The following CACNA2D1 variants were observed in gnomAD, a reference collection of about 807,000 sequenced individuals.
CACNA2D1 encodes the protein voltage-dependent calcium channel subunit alpha-2/delta-1.
In CACNA2D1, 53 loss-of-function variants were observed where a neutral mutation model predicts 171.5. The ratio of observed to expected loss-of-function variants is 0.31; its 90% CI spans 0.25 to 0.39. CACNA2D1 has a LOEUF of 0.39. Ranked by LOEUF, CACNA2D1 falls within the 10% of genes least tolerant of loss-of-function variation. The pLI is 1.00. For synonymous variants in CACNA2D1, 442 were observed against 443.1 expected (o/e 1.00, Z 0.03); for missense variants, 903 against 1,299.8 (o/e 0.69, Z 4.69).
chr7:81,974,793 G>A (rs1359508273), intron 24 of CACNA2D1, among the ~76,000 whole-genome samples: 1 of 151,870 alleles, frequency 6.6e-6, no homozygotes, highest in Admixed American at 6.6e-5. Flanking sequence ...ATAAGTTTTG[G>A]TGTAGTTATA....
chr7:82,081,948 GCATGT>G (rs1226988826), intron 7 of CACNA2D1, among the ~76,000 whole-genome samples: 1 of 152,198 alleles, frequency 6.6e-6, no homozygotes, highest in Non-Finnish European at 1.5e-5. Context: ...GTTAGACCAG[GCATGT>G]CATAAGTGAC....
At chr7:81,957,889 A>T (rs1231102982) in intron 38 of CACNA2D1, among the ~76,000 whole-genome samples, 1 of 152,116 alleles carries the variant, frequency 6.6e-6, no homozygotes, top group Non-Finnish European at 1.5e-5. Context: ...ATAGGCTTTT[A>T]AGTCACTTTT....
At chr7:82,344,832 A>G (rs1312087401) in intron 2 of CACNA2D1, among the ~76,000 whole-genome samples, 1 of 152,212 alleles carries the variant, frequency 6.6e-6, no homozygotes, top group Admixed American at 6.5e-5. Context: ...TCTGAATAAA[A>G]GCAAAACATA....
intron 10 of CACNA2D1, among the ~76,000 whole-genome samples, chr7:82,048,266 C>A (rs10265625): frequency 1.3e-5 from 2 of 151,962 alleles, no homozygotes; most frequent in African/African-American, 4.8e-5. Context: ...AAATTAATGA[C>A]AAAAAGATAG....
intron 7 of CACNA2D1, among the ~76,000 whole-genome samples, chr7:82,069,685 A>G (rs1375210060): frequency 2.1e-5 from 3 of 146,198 alleles, no homozygotes; most frequent in Non-Finnish European, 4.5e-5. Flanking sequence ...TCTGGTTAAC[A>G]TGGTCTAAAA....
intron 12 of CACNA2D1, among the ~76,000 whole-genome samples, chr7:82,015,413 CT>C (rs1800327506): frequency 6.6e-6 from 1 of 151,978 alleles, no homozygotes; most frequent in African/African-American, 2.4e-5. Context: ...TTGACTGTTC[CT>C]AACATGCTAT....
At chr7:82,288,067 C>T (rs900613125) in intron 3 of CACNA2D1, among the ~76,000 whole-genome samples, 4 of 151,130 alleles carry the variant, frequency 2.6e-5, no homozygotes, top group African/African-American at 9.8e-5. Flanking sequence ...GACTCGATCT[C>T]CTGACCTCGT....
chr7:82,439,447 T>C (rs1164162072), intron 1 of CACNA2D1, among the ~76,000 whole-genome samples: 1 of 151,884 alleles, frequency 6.6e-6, no homozygotes, highest in Non-Finnish European at 1.5e-5. Flanking sequence ...CTCTTATCTA[T>C]TGTCAAAATG....
intron 12 of CACNA2D1, among the ~76,000 whole-genome samples, chr7:82,023,562 T>C (rs1386073074): frequency 6.7e-6 from 1 of 148,382 alleles, no homozygotes; most frequent in Non-Finnish European, 1.5e-5. Context: ...ACAAGAGGCT[T>C]GGGGGAAAAC....
intron 3 of CACNA2D1, among the ~76,000 whole-genome samples, chr7:82,235,408 G>C (rs1183836260): frequency 6.6e-6 from 1 of 152,040 alleles, no homozygotes; most frequent in African/African-American, 2.4e-5. Context: ...AAAGGCAAAT[G>C]AACTTTCCCT....
intron 3 of CACNA2D1, among the ~76,000 whole-genome samples, chr7:82,267,041 T>C (rs1807959462): frequency 6.6e-6 from 1 of 152,196 alleles, no homozygotes; most frequent in South Asian, 2.1e-4. Context: ...TAAAATTATA[T>C]CATTCTTCAA....
intron 18 of CACNA2D1, among the ~76,000 whole-genome samples, chr7:82,002,417 T>A (rs1366717135): frequency 1.3e-5 from 2 of 152,206 alleles, no homozygotes; most frequent in East Asian, 3.9e-4. Flanking sequence ...CAGTCTATAG[T>A]ATTTTGTTAT....
chr7:81,955,972 ATATATATATTTT>A (rs1331599421), intron 38 of CACNA2D1, among the ~76,000 whole-genome samples: 2 of 70,196 alleles, frequency 2.8e-5, no homozygotes, highest in African/African-American at 1.2e-4. Flanking sequence ...ATATATATAT[ATATATATATTTT>A]TTTTTTTTTT....
rs775251843 is a variant in CACNA2D1 at position 82,005,847 on chromosome 7, A to C, written c.1441-8T>G. ...ACCAAGAATCAGCTGGTTCTATAAT[A>C]AGAGGGCAAAAAATGGCATTTTATG... is the stretch of plus-strand genomic sequence containing the variant. On this transcript the variant is annotated splice_polypyrimidine_tract_variant and splice_region_variant and intron_variant, in intron 16 of 38. Transcript: ENST00000356860. The C allele has an allele frequency of 1.3e-6, 2 of 1,570,776 alleles. No homozygotes were observed. The highest frequency in any genetic ancestry group is 2.2e-5 in the South Asian group (2 of 90,200).
At chr7:82,182,233 G>A (rs1797203473) in intron 3 of CACNA2D1, among the ~76,000 whole-genome samples, 1 of 151,862 alleles carries the variant, frequency 6.6e-6, no homozygotes, top group Non-Finnish European at 1.5e-5. Context: ...GTTTATAAAA[G>A]GTAGAAGGAA....
intron 18 of CACNA2D1, 134 bp from the exon 19 acceptor site, chr7:81,997,384 T>G: frequency 2.1e-6 from 1 of 481,268 alleles, no homozygotes. Flanking sequence ...GGTATCTTCT[T>G]TCATATATAT....
At chr7:82,413,652 T>C (rs1221701313) in intron 1 of CACNA2D1, among the ~76,000 whole-genome samples, 1 of 152,218 alleles carries the variant, frequency 6.6e-6, no homozygotes, top group East Asian at 1.9e-4. Context: ...CAAAGTAATT[T>C]AGGAAAAATA....
intron 21 of CACNA2D1, among the ~76,000 whole-genome samples, chr7:81,986,724 T>C (rs1373789016): frequency 4.6e-5 from 7 of 152,162 alleles, no homozygotes; most frequent in Non-Finnish European, 8.8e-5. Context: ...TAAAATGTTA[T>C]GTAGACTTAA....
At chr7:82,195,466 G>T (rs1281856225) in intron 3 of CACNA2D1, among the ~76,000 whole-genome samples, 2 of 151,884 alleles carry the variant, frequency 1.3e-5, no homozygotes, top group East Asian at 3.9e-4. Context: ...AAAGATGAGG[G>T]TAGTTAAATA....
Sources: allele counts gnomAD v4.1 joint callset (sites outside exome capture counted in the v4.1 genomes callset), GRCh38; gene constraint gnomAD v4.1.1; transcripts MANE v1.5; gene names NCBI Gene and HGNC (gene_info 2026-07-23, HGNC 2026-07-21).